Variants in NAV2 observed in about 807,000 individuals in gnomAD.
NAV2 encodes the protein neuron navigator 2.
In NAV2, 54 loss-of-function variants were observed where a neutral mutation model predicts 223.2. That is an observed-to-expected ratio of 0.24 (90% CI 0.19 to 0.30). The LOEUF is 0.30. NAV2 is among the 10% of genes least tolerant of loss of function. NAV2 has a pLI of 1.00. For synonymous variants in NAV2, 1,279 were observed against 1,239.3 expected (o/e 1.03, Z -0.67); for missense variants, 2,806 against 3,147.5 (o/e 0.89, Z 2.60).
At chr11:19,653,624 T>C (rs1385356869) in intron 1 of NAV2, among the ~76,000 whole-genome samples, 1 of 152,178 alleles carries the variant, frequency 6.6e-6, no homozygotes, top group East Asian at 1.9e-4. Flanking sequence ...TTGGAAGATA[T>C]CAGAGATGGT....
chr11:19,943,044 T>C (rs2046531519), intron 8 of NAV2, among the ~76,000 whole-genome samples: 1 of 152,192 alleles, frequency 6.6e-6, no homozygotes, highest in Admixed American at 6.5e-5. Flanking sequence ...ATGTCATTAA[T>C]AGAGTGATGG....
intron 1 of NAV2, among the ~76,000 whole-genome samples, chr11:19,690,808 G>A (rs1182469179): frequency 6.6e-6 from 1 of 152,208 alleles, no homozygotes; most frequent in Non-Finnish European, 1.5e-5. Context: ...TTCATTTGCT[G>A]GATGGGGAAC....
chr11:19,853,849 G>T (rs1202458524), intron 3 of NAV2, among the ~76,000 whole-genome samples: 1 of 151,630 alleles, frequency 6.6e-6, no homozygotes, highest in African/African-American at 2.4e-5. Context: ...ACTTCTTTGA[G>T]GACAGTAGTG....
intron 1 of NAV2, among the ~76,000 whole-genome samples, chr11:19,525,571 C>T (rs2043815558): frequency 6.6e-6 from 1 of 152,168 alleles, no homozygotes; most frequent in Non-Finnish European, 1.5e-5. Context: ...GGTTAGAAGG[C>T]TGGGTAGTCC....
intron 1 of NAV2, among the ~76,000 whole-genome samples, chr11:19,584,225 T>G (rs1251768305): frequency 1.3e-5 from 2 of 152,186 alleles, no homozygotes; most frequent in Non-Finnish European, 2.9e-5. Flanking sequence ...GGTGGTGATA[T>G]TCCCTTTATC....
chr11:19,833,244 G>T (rs2060048954), intron 2 of NAV2, among the ~76,000 whole-genome samples: 1 of 152,216 alleles, frequency 6.6e-6, no homozygotes, highest in Admixed American at 6.5e-5. Context: ...GACAGAGGAG[G>T]CTTACAGGTC....
chr11:19,901,820 GTTCT>G (rs1213480331), intron 6 of NAV2, among the ~76,000 whole-genome samples: 1 of 152,126 alleles, frequency 6.6e-6, no homozygotes, highest in African/African-American at 2.4e-5. Flanking sequence ...CTTTAGCAAA[GTTCT>G]TTCTTGCATT....
intron 1 of NAV2, among the ~76,000 whole-genome samples, chr11:19,808,645 T>A (rs1001661773): frequency 3.9e-5 from 6 of 152,192 alleles, no homozygotes; most frequent in African/African-American, 1.4e-4. Context: ...TAAAAAACAA[T>A]TGTCTTTTTA....
intron 11 of NAV2, among the ~76,000 whole-genome samples, chr11:20,011,590 T>G (rs2053568559): frequency 2.0e-5 from 3 of 152,248 alleles, no homozygotes; most frequent in African/African-American, 7.2e-5. Context: ...TTAAGCAACG[T>G]GTCCAAAGTC....
At chr11:19,811,731 T>C (rs1013586631) in intron 1 of NAV2, among the ~76,000 whole-genome samples, 2 of 152,248 alleles carry the variant, frequency 1.3e-5, no homozygotes, top group African/African-American at 2.4e-5. Flanking sequence ...TCTTCCTTTT[T>C]GCGTGCTTTT....
At chr11:19,888,507 A>T (rs1455653105) in intron 5 of NAV2, among the ~76,000 whole-genome samples, 2 of 152,266 alleles carry the variant, frequency 1.3e-5, no homozygotes, top group East Asian at 3.9e-4. Flanking sequence ...TGAATCTCAA[A>T]ATGTTAGCCA....
intron 7 of NAV2, among the ~76,000 whole-genome samples, chr11:19,938,579 T>C (rs746287838): frequency 1.6e-4 from 25 of 152,246 alleles, no homozygotes; most frequent in Non-Finnish European, 3.1e-4. Context: ...TAAAATATTA[T>C]GCAGACCAGT....
chr11:19,621,206 A>T (rs2046984005), intron 1 of NAV2, among the ~76,000 whole-genome samples: 1 of 152,166 alleles, frequency 6.6e-6, no homozygotes, highest in South Asian at 2.1e-4. Flanking sequence ...CATCAGGGAT[A>T]TTGGTCTAAA....
chr11:19,776,395 G>A (rs925272049), intron 1 of NAV2, among the ~76,000 whole-genome samples: 1 of 152,150 alleles, frequency 6.6e-6, no homozygotes, highest in African/African-American at 2.4e-5. Flanking sequence ...AGGCAGACGA[G>A]GAAATAAAGG....
chr11:19,441,458 A>G (rs1851401758), intron 1 of NAV2, among the ~76,000 whole-genome samples: 1 of 151,750 alleles, frequency 6.6e-6, no homozygotes, highest in African/African-American at 2.4e-5. Flanking sequence ...GCACACACAC[A>G]CACACACACA....
intron 1 of NAV2, among the ~76,000 whole-genome samples, chr11:19,620,210 T>C (rs1233519733): frequency 6.6e-6 from 1 of 152,166 alleles, no homozygotes; most frequent in Non-Finnish European, 1.5e-5. Flanking sequence ...TCCAGCTTTG[T>C]TCTTTTGGCT....
chr11:19,937,454 T>C (rs1191996513), intron 7 of NAV2, among the ~76,000 whole-genome samples: 1 of 152,056 alleles, frequency 6.6e-6, no homozygotes, highest in Non-Finnish European at 1.5e-5. Flanking sequence ...ATTATATTTA[T>C]CAATTCAGAA....
chr11:19,481,660 G>T (rs548719452), intron 1 of NAV2, among the ~76,000 whole-genome samples: 3 of 152,338 alleles, frequency 2.0e-5, no homozygotes, highest in African/African-American at 4.8e-5. Context: ...TGCATCTGGG[G>T]CAGTGCCCAG....
intron 31 of NAV2, among the ~76,000 whole-genome samples, chr11:20,100,544 GGGGTGTGT>G (rs1273413166): frequency 8.7e-6 from 1 of 114,864 alleles, no homozygotes; most frequent in East Asian, 2.8e-4. Context: ...GTATACTAGA[GGGGTGTGT>G]GTGTGTGTGT....
Sources: gnomAD v4.1 joint callset for allele counts (sites outside exome capture counted in the v4.1 genomes callset) on GRCh38, gnomAD v4.1.1 for gene constraint, MANE v1.5 for transcripts, NCBI Gene and HGNC (gene_info 2026-07-23, HGNC 2026-07-21) for gene names.